Variants in NPAS3 observed in about 807,000 individuals in gnomAD.
NPAS3 encodes neuronal PAS domain-containing protein 3.
A neutral mutation model predicts 73.1 loss-of-function variants in NPAS3; 14 were observed. The observed-to-expected ratio is 0.19, with a 90% CI of 0.13 to 0.30. NPAS3 has a LOEUF of 0.30. NPAS3 is among the 10% of genes least tolerant of loss of function. NPAS3 has a pLI of 1.00. For missense variants in NPAS3, 1,096 were observed against 1,250.0 expected (o/e 0.88, Z 1.86); for synonymous variants, 620 against 541.5 (o/e 1.14, Z -2.01).
chr14:33,214,950 A>G (rs1268907583), intron 2 of NPAS3: 2 of 537,990 alleles, frequency 3.7e-6, no homozygotes, highest in Admixed American at 3.5e-5. Context: ...AACCTTAACA[A>G]GTAAAACACA....
At chr14:33,452,530 T>C (rs1296506891) in intron 4 of NPAS3, among the ~76,000 whole-genome samples, 2 of 152,054 alleles carry the variant, frequency 1.3e-5, no homozygotes, top group African/African-American at 4.8e-5. Flanking sequence ...CCCAGCACTT[T>C]GTGAGGCTGA....
intron 2 of NPAS3, among the ~76,000 whole-genome samples, chr14:33,113,525 G>A (rs1160816156): frequency 1.3e-5 from 2 of 152,152 alleles, no homozygotes; most frequent in African/African-American, 4.8e-5. Context: ...TTTGTATCCT[G>A]AGACTTTGCT....
At chr14:33,154,914 C>G (rs1010028691) in intron 2 of NPAS3, among the ~76,000 whole-genome samples, 8 of 152,174 alleles carry the variant, frequency 5.3e-5, no homozygotes, top group Non-Finnish European at 1.2e-4. Flanking sequence ...CTTTTCCATG[C>G]AGTTGATTTG....
chr14:32,978,596 G>T (rs1214607650), intron 1 of NPAS3, among the ~76,000 whole-genome samples: 1 of 151,982 alleles, frequency 6.6e-6, no homozygotes, highest in Non-Finnish European at 1.5e-5. Flanking sequence ...GAGGAAACTG[G>T]GTCTCTGTCA....
chr14:33,600,302 A>G (rs1302479892), intron 5 of NPAS3, among the ~76,000 whole-genome samples: 1 of 152,204 alleles, frequency 6.6e-6, no homozygotes, highest in African/African-American at 2.4e-5. Context: ...CAAGGTAATT[A>G]CTTGGGTCAA....
intron 7 of NPAS3, among the ~76,000 whole-genome samples, chr14:33,746,586 C>T (rs2140728127): frequency 6.7e-6 from 1 of 149,966 alleles, no homozygotes; most frequent in East Asian, 2.0e-4. Context: ...AGATTTAAGA[C>T]TGTTTATATG....
chr14:33,770,149 G>A (rs747913022), intron 7 of NPAS3, among the ~76,000 whole-genome samples: 6 of 152,116 alleles, frequency 3.9e-5, no homozygotes, highest in Non-Finnish European at 8.8e-5. Context: ...AGGTACAGCC[G>A]GGACAGGGGG....
chr14:33,596,569 C>T (rs1417762959), intron 5 of NPAS3, among the ~76,000 whole-genome samples: 4 of 152,138 alleles, frequency 2.6e-5, no homozygotes, highest in Non-Finnish European at 4.4e-5. Flanking sequence ...CTCAGGACAT[C>T]GGTAAAGAGA....
chr14:33,110,768 A>G (rs2042866372), intron 2 of NPAS3, among the ~76,000 whole-genome samples: 1 of 151,696 alleles, frequency 6.6e-6, no homozygotes, highest in African/African-American at 2.4e-5. Flanking sequence ...CTATATCTCT[A>G]GGTTCAGTCC....
chr14:33,211,702 T>A lies in NPAS3; in HGVS notation c.141-3480T>A, dbSNP rs556587638. Among the ~76,000 whole-genome samples, 10 of 152,366 alleles carry A rather than the reference T, an allele frequency of 6.6e-5. No individual in the cohort carries two copies. In the South Asian group the frequency reaches 1.9e-3, roughly 28 times the overall value. ...CACAATAATGCATATAATATCCAGA[T>A]ACATACATACATATATGTGTGTGTG... On this transcript the variant is annotated intron_variant, in intron 2 of 11. Coordinates refer to ENST00000356141, the Ensembl canonical transcript of NPAS3.
chr14:33,228,689 G>A (rs893485343), intron 3 of NPAS3, among the ~76,000 whole-genome samples: 4 of 152,020 alleles, frequency 2.6e-5, no homozygotes, highest in African/African-American at 7.3e-5. Context: ...GGAAAAAAGC[G>A]AACCATCTCC....
chr14:33,246,069 A>G (rs1423711427), intron 3 of NPAS3, among the ~76,000 whole-genome samples: 1 of 152,112 alleles, frequency 6.6e-6, no homozygotes, highest in Non-Finnish European at 1.5e-5. Flanking sequence ...TTGAGGTCAG[A>G]GCTTGGCTTT....
intron 2 of NPAS3, among the ~76,000 whole-genome samples, chr14:33,180,979 T>G (rs2045778263): frequency 6.6e-6 from 1 of 152,052 alleles, no homozygotes; most frequent in Non-Finnish European, 1.5e-5. Context: ...GTACCTCATG[T>G]TTTCCCACCA....
chr14:33,036,446 A>C (rs2040172031), intron 1 of NPAS3, among the ~76,000 whole-genome samples: 1 of 152,204 alleles, frequency 6.6e-6, no homozygotes, highest in Non-Finnish European at 1.5e-5. Flanking sequence ...TGGACCAAAA[A>C]GAGGGAAATG....
chr14:33,047,125 G>A (rs149947624), intron 1 of NPAS3, among the ~76,000 whole-genome samples: 6 of 152,274 alleles, frequency 3.9e-5, no homozygotes, highest in Middle Eastern at 3.4e-3. Context: ...ATTTGAAGCC[G>A]AAAGGTTGAA....
intron 3 of NPAS3, among the ~76,000 whole-genome samples, chr14:33,343,504 T>C (rs1049409707): frequency 3.3e-5 from 5 of 152,180 alleles, no homozygotes; most frequent in Non-Finnish European, 5.9e-5. Context: ...TCTGGCCCCC[T>C]ACCATTCCAT....
At chr14:33,577,740 T>C (rs1259114386) in intron 5 of NPAS3, among the ~76,000 whole-genome samples, 2 of 152,216 alleles carry the variant, frequency 1.3e-5, no homozygotes, top group African/African-American at 4.8e-5. Context: ...CAGTAAATAG[T>C]GCCTTTCAAC....
At chr14:33,329,420 G>A (rs2043876354) in intron 3 of NPAS3, among the ~76,000 whole-genome samples, 1 of 152,182 alleles carries the variant, frequency 6.6e-6, no homozygotes. Flanking sequence ...TTGACTGGGT[G>A]GCAGTGAAAG....
At chr14:33,361,016 A>C (rs1171566204) in intron 3 of NPAS3, among the ~76,000 whole-genome samples, 1 of 152,158 alleles carries the variant, frequency 6.6e-6, no homozygotes, top group African/African-American at 2.4e-5. Context: ...TTCTCTCACG[A>C]AGAATGTTAA....
Sources: gnomAD v4.1 joint callset for allele counts (sites outside exome capture counted in the v4.1 genomes callset) on GRCh38, gnomAD v4.1.1 for gene constraint, MANE v1.5 for transcripts, NCBI Gene and HGNC (gene_info 2026-07-23, HGNC 2026-07-21) for gene names.